AXDND1: variants seen among roughly 807,000 people sequenced by gnomAD.
AXDND1 encodes axonemal dynein light chain domain-containing protein 1.
A neutral mutation model predicts 137.5 loss-of-function variants in AXDND1; 110 were observed. That is an observed-to-expected ratio of 0.80 (90% CI 0.69 to 0.94). The LOEUF is 0.94. AXDND1 is among the 40% of genes least tolerant of loss of function. The pLI is 0.00. For synonymous variants in AXDND1, 414 were observed against 399.7 expected (o/e 1.04, Z -0.43); for missense variants, 1,191 against 1,169.8 (o/e 1.02, Z -0.26).
intron 6 of AXDND1, among the ~76,000 whole-genome samples, chr1:179,381,983 G>T (rs550235409): frequency 7.3e-6 from 1 of 137,124 alleles, no homozygotes; most frequent in African/African-American, 2.7e-5. Flanking sequence ...TAGTAGCGAC[G>T]GGGTTTCACC....
chr1:179,386,120 C>T lies in AXDND1; in HGVS notation c.863+761C>T, dbSNP rs542653937. On this transcript the variant is annotated intron_variant, in intron 9 of 25. Transcript: ENST00000367618. ...AGGCTGGAGTGCAATGGCGCGATCT[C>T]GGCTCACTGCAACTTCTGCCTCCAA... Among the ~76,000 whole-genome samples the T allele has an allele frequency of 6.4e-5, 9 of 140,934 alleles. No individual in the cohort carries two copies. In the East Asian group the frequency reaches 8.8e-4, roughly 14 times the overall value. 92.5% of individuals were successfully genotyped at this position (140,934 alleles called of 152,430 possible).
At chr1:179,515,895 G>A (rs917522460) in intron 21 of AXDND1, among the ~76,000 whole-genome samples, 1 of 152,078 alleles carries the variant, frequency 6.6e-6, no homozygotes, top group African/African-American at 2.4e-5. Flanking sequence ...TTATAAGACT[G>A]TATTTTTACT....
intron 20 of AXDND1, among the ~76,000 whole-genome samples, chr1:179,504,317 C>A (rs1329277): frequency 0.061 from 9,247 of 152,052 alleles, 339 homozygotes; most frequent in Non-Finnish European, 0.07. Context: ...GCGAATAGCC[C>A]CTTCTTCTGT....
intron 12 of AXDND1, among the ~76,000 whole-genome samples, chr1:179,420,944 C>A (rs1418008656): frequency 6.6e-6 from 1 of 152,058 alleles, no homozygotes; most frequent in Non-Finnish European, 1.5e-5. Flanking sequence ...TTTGTTCATG[C>A]ATAGTTGTTT....
chr1:179,387,924 T>A (rs1296578109), intron 9 of AXDND1, among the ~76,000 whole-genome samples: 1 of 152,172 alleles, frequency 6.6e-6, no homozygotes, highest in Non-Finnish European at 1.5e-5. Flanking sequence ...GCTGAACACT[T>A]GAGGGAGATC....
chr1:179,544,129 C>CT (rs1179925805), intron 25 of AXDND1: 1 of 152,476 alleles, frequency 6.6e-6, no homozygotes, highest in Non-Finnish European at 1.5e-5. Flanking sequence ...GTAACAGCCA[C>CT]TAGAAAAGCC....
Position 179,445,159 on chromosome 1 carries a change from C to T in AXDND1, c.1753C>T (p.Gln585Ter), listed in dbSNP as rs144267093. 2 of 1,607,234 alleles carry T rather than the reference C, an allele frequency of 1.2e-6. No individual in the cohort carries two copies. Among genetic ancestry groups the T allele is most frequent in the South Asian group, 1.1e-5 (1 of 89,984 alleles). ...CATGGAGGAAATTATCAAAAACATA[C>T]AAAAACTCTACAAAGAATATGAAAT... ...QYMEEIIKNI[Q>*]KLYKEYEIRI... The change falls in exon 16 of 26, where the codon CAA becomes TAA. Residue 585 changes from glutamine to a stop codon, truncating the protein, a stop_gained. Transcript: ENST00000367618. LOFTEE classifies it high-confidence loss of function.
chr1:179,369,740 C>T (rs1202815911), intron 3 of AXDND1, among the ~76,000 whole-genome samples: 1 of 152,024 alleles, frequency 6.6e-6, no homozygotes, highest in African/African-American at 2.4e-5. Context: ...TTCCATTGAC[C>T]TGTTTTTATG....
chr1:179,376,780 G>C (rs901929962), intron 4 of AXDND1, among the ~76,000 whole-genome samples: 2 of 152,078 alleles, frequency 1.3e-5, no homozygotes, highest in Non-Finnish European at 2.9e-5. Flanking sequence ...TAGGGACTGT[G>C]TCTATTTTAA....
rs534344644 is a variant in AXDND1, at chr1:179,534,623, T to A, written c.2799-107T>A. The A allele has an allele frequency of 2.9e-5, 39 of 1,367,290 alleles. No homozygotes were observed. In the Admixed American group the frequency reaches 4.9e-4, roughly 17 times the overall value. 84.7% of individuals were successfully genotyped at this position (1,367,290 alleles called of 1,614,324 possible). A position where few individuals can be genotyped will look rare whatever the true frequency, so the allele number is the denominator to read the frequency against. ...GCTGTTGCTTCCCTTATTTCTACCC[T>A]TCAGACACATTCATCTAATCTCACT... On this transcript the variant is annotated intron_variant, in intron 24 of 25. Coordinates refer to ENST00000367618, the MANE Select transcript of AXDND1 (RefSeq NM_144696.6).
Position 179,506,844 on chromosome 1 carries a change from C to T in AXDND1, c.2389-2452C>T, listed in dbSNP as rs2125632745. On this transcript the variant is annotated intron_variant, in intron 20 of 25. Transcript: ENST00000367618. Reference sequence around the variant, plus strand: ...CTTTATGTCACCAGAGATAGCACTGCCGGTTCCAGGATTTGGTCCTCCAAA... The same window carrying T: ...CTTTATGTCACCAGAGATAGCACTGTCGGTTCCAGGATTTGGTCCTCCAAA... The T allele has an allele frequency of 5.1e-6, 5 of 985,338 alleles. No individual in the cohort carries two copies. The South Asian group carries it at 2.4e-4, about 46-fold the overall frequency. 61.0% of individuals were successfully genotyped at this position (985,338 alleles called of 1,614,324 possible).
intron 11 of AXDND1, among the ~76,000 whole-genome samples, chr1:179,408,975 T>C (rs200523997): frequency 0.35 from 44,230 of 125,910 alleles, 6,681 homozygotes; most frequent in East Asian, 0.51. Context: ...TTTCTTTTTT[T>C]TTTTTTTTTT....
At position 179,452,407 on chromosome 1, in the gene AXDND1, C is replaced by CATTTTCTGAGGAGAAATTCAA. The variant is rs1558198584; in HGVS notation, c.1798+7203_1798+7204insATTTTCTGAGGAGAAATTCAA. ...GACAATGCGATAGAAAAGAAAATCCCGCCGGGCGCGGTGGCTCACGCCTGT... is the reference window on the plus strand; with the variant it reads ...GACAATGCGATAGAAAAGAAAATCCCATTTTCTGAGGAGAAATTCAAGCCGGGCGCGGTGGCTCACGCCTGT... On this transcript the variant is annotated intron_variant, in intron 16 of 25. Coordinates refer to ENST00000367618, the MANE Select transcript of AXDND1 (RefSeq NM_144696.6). The CATTTTCTGAGGAGAAATTCAA allele has an allele frequency of 7.7e-4, 117 of 151,714 alleles. 4 individuals are homozygous for CATTTTCTGAGGAGAAATTCAA. Among genetic ancestry groups the CATTTTCTGAGGAGAAATTCAA allele is most frequent in the African/African-American group, 2.7e-3 (110 of 40,812 alleles). The allele number at this position is 151,714 out of a possible 1,614,324, so 9.4% of individuals were successfully genotyped here. A position where few individuals can be genotyped will look rare whatever the true frequency, so the allele number is the denominator to read the frequency against.
chr1:179,470,335 G>A (rs945841796), intron 17 of AXDND1, among the ~76,000 whole-genome samples: 1 of 152,084 alleles, frequency 6.6e-6, no homozygotes, highest in Non-Finnish European at 1.5e-5. Context: ...GAATAAGCTT[G>A]TCAATTTTTA....
Position 179,506,623 on chromosome 1 carries a change from A to G in AXDND1, c.2389-2673A>G, listed in dbSNP as rs139423042. Among the ~76,000 whole-genome samples the G allele has an allele frequency of 2.5e-3, 377 of 152,268 alleles. 2 individuals are homozygous for G. Among genetic ancestry groups the G allele is most frequent in the African/African-American group, 8.8e-3 (365 of 41,562 alleles). Reference sequence around the variant, plus strand: ...GGCATGCCTGTAGTCTCAGCTACTCAGGAGGCTAAGGTAGGAGGATCATTT... The same window carrying G: ...GGCATGCCTGTAGTCTCAGCTACTCGGGAGGCTAAGGTAGGAGGATCATTT... On this transcript the variant is annotated intron_variant, in intron 20 of 25. Transcript: ENST00000367618.
intron 12 of AXDND1, among the ~76,000 whole-genome samples, chr1:179,418,612 C>CG (rs1471873343): frequency 2.0e-5 from 3 of 148,580 alleles, no homozygotes; most frequent in Non-Finnish European, 3.0e-5. Context: ...GCTGGCCGGG[C>CG]GGGGGGCTGA....
chr1:179,500,743 G>A (rs775081098), intron 20 of AXDND1, among the ~76,000 whole-genome samples: 12 of 152,180 alleles, frequency 7.9e-5, no homozygotes, highest in Non-Finnish European at 1.3e-4. Context: ...CACGATGTCA[G>A]CTCTCTTGAA....
chr1:179,432,192 C>A, intron 14 of AXDND1, 75 bp from the exon 15 acceptor site: 2 of 1,445,114 alleles, frequency 1.4e-6, no homozygotes, highest in Middle Eastern at 2.0e-4. Context: ...GTTGTTTAGT[C>A]TTTAGTGTGT....
chr1:179,521,835 T>C (rs1231171138), intron 21 of AXDND1, among the ~76,000 whole-genome samples: 1 of 152,062 alleles, frequency 6.6e-6, no homozygotes, highest in East Asian at 1.9e-4. Context: ...ATCGTTATTA[T>C]TTTTACTGTT....
Sources: gnomAD v4.1 joint callset for allele counts (sites outside exome capture counted in the v4.1 genomes callset) on GRCh38, gnomAD v4.1.1 for gene constraint, MANE v1.5 for transcripts, NCBI Gene and HGNC (gene_info 2026-07-23, HGNC 2026-07-21) for gene names.